Variants in PPP2R3A observed in about 807,000 individuals in gnomAD.
The protein encoded by PPP2R3A is serine/threonine-protein phosphatase 2A regulatory subunit B'' subunit alpha.
PPP2R3A carries 80 observed loss-of-function variants against 106.9 expected under a neutral mutation model. The ratio of observed to expected loss-of-function variants is 0.75; its 90% CI spans 0.62 to 0.90. The LOEUF (loss-of-function observed/expected upper bound fraction) is 0.90, where lower values mean the gene tolerates loss of function less well. PPP2R3A is among the 40% of genes least tolerant of loss of function. The pLI is 0.00. For synonymous variants in PPP2R3A, 483 were observed against 468.3 expected (o/e 1.03, Z -0.41); for missense variants, 1,386 against 1,350.4 (o/e 1.03, Z -0.41).
chr3:136,058,615 A>T (rs1935962626), intron 5 of PPP2R3A, among the ~76,000 whole-genome samples: 1 of 152,070 alleles, frequency 6.6e-6, no homozygotes, highest in Non-Finnish European at 1.5e-5. Context: ...TTCAGTGTTA[A>T]ACTACCATTG....
intron 5 of PPP2R3A, among the ~76,000 whole-genome samples, chr3:136,054,754 C>T (rs1413359089): frequency 2.6e-5 from 4 of 152,164 alleles, no homozygotes; most frequent in Non-Finnish European, 5.9e-5. Flanking sequence ...AAAACAAGAA[C>T]CTGCTAACAG....
chr3:136,071,864 C>T (rs1273832613), intron 6 of PPP2R3A, among the ~76,000 whole-genome samples: 1 of 152,168 alleles, frequency 6.6e-6, no homozygotes, highest in Non-Finnish European at 1.5e-5. Context: ...ATGCTTTGTT[C>T]TTCCTCTTTC....
intron 13 of PPP2R3A, among the ~76,000 whole-genome samples, chr3:136,137,533 G>GTTTTT (rs1559941176): frequency 2.6e-5 from 1 of 38,440 alleles, no homozygotes; most frequent in African/African-American, 7.5e-5. Flanking sequence ...CTCTGTCAGA[G>GTTTTT]ATTTTTTTTT....
intron 8 of PPP2R3A, among the ~76,000 whole-genome samples, chr3:136,086,892 C>A (rs952462448): frequency 2.0e-5 from 3 of 152,088 alleles, no homozygotes; most frequent in Non-Finnish European, 4.4e-5. Flanking sequence ...GTGTGCATGC[C>A]ATTGCCTGGG....
rs189532308 is a variant in PPP2R3A, at chr3:136,116,266, C to T, written c.3329+9944C>T. Among the ~76,000 whole-genome samples, 469 of 152,286 alleles carry T rather than the reference C, an allele frequency of 3.1e-3. 6 individuals carry two copies. Among genetic ancestry groups the T allele is most frequent in the African/African-American group, 0.011 (450 of 41,558 alleles). ...AGCACTAAACATGGAGAGGAACAAC[C>T]GGTACCAGCCACTGCAAAAACATAC... On this transcript the variant is annotated intron_variant, in intron 13 of 13. Transcript: ENST00000264977.
chr3:135,989,534 A>C (rs1437937415), intron 1 of PPP2R3A, among the ~76,000 whole-genome samples: 1 of 125,546 alleles, frequency 8.0e-6, no homozygotes, highest in Non-Finnish European at 1.7e-5. Context: ...GAAATTCTTC[A>C]TCCACAAAGA....
At chr3:136,137,533 G>GTTTTTT (rs1559941176) in intron 13 of PPP2R3A, among the ~76,000 whole-genome samples, 1 of 38,442 alleles carries the variant, frequency 2.6e-5, no homozygotes, top group Non-Finnish European at 6.0e-5. Flanking sequence ...CTCTGTCAGA[G>GTTTTTT]ATTTTTTTTT....
At chr3:136,046,112 G>A (rs1025309897) in intron 4 of PPP2R3A, among the ~76,000 whole-genome samples, 4 of 151,966 alleles carry the variant, frequency 2.6e-5, no homozygotes, top group Non-Finnish European at 5.9e-5. Flanking sequence ...AGAAGGTTGA[G>A]GCTGCAGTGA....
At chr3:136,113,864 T>G in intron 13 of PPP2R3A, among the ~76,000 whole-genome samples, 1 of 151,682 alleles carries the variant, frequency 6.6e-6, no homozygotes, top group Non-Finnish European at 1.5e-5. Context: ...GAAATAACAT[T>G]CTCGACATAG....
intron 2 of PPP2R3A, among the ~76,000 whole-genome samples, chr3:136,007,409 A>ATCAGGGTGCCCTTCTCAGACT (rs1933887356): frequency 6.6e-6 from 1 of 152,184 alleles, no homozygotes; most frequent in Non-Finnish European, 1.5e-5. Flanking sequence ...AGGACCTGAC[A>ATCAGGGTGCCCTTCTCAGACT]TCAGGGTGCC....
At chr3:136,076,259 A>G (rs952582833) in intron 6 of PPP2R3A, among the ~76,000 whole-genome samples, 6 of 152,366 alleles carry the variant, frequency 3.9e-5, no homozygotes, top group African/African-American at 1.2e-4. Flanking sequence ...GGTGAAACAC[A>G]GAACAAGTCA....
intron 5 of PPP2R3A, among the ~76,000 whole-genome samples, chr3:136,060,632 C>T (rs1359629657): frequency 6.6e-6 from 1 of 152,150 alleles, no homozygotes; most frequent in Non-Finnish European, 1.5e-5. Flanking sequence ...TTCCTGAGGG[C>T]TCCCCAGGCA....
chr3:135,991,096 GT>G (rs1933140870), intron 1 of PPP2R3A, among the ~76,000 whole-genome samples: 1 of 152,042 alleles, frequency 6.6e-6, no homozygotes, highest in South Asian at 2.1e-4. Flanking sequence ...CCAGGACTGG[GT>G]TTGGCAGATC....
chr3:136,107,832 T>C (rs1937541867), intron 13 of PPP2R3A, among the ~76,000 whole-genome samples: 1 of 152,124 alleles, frequency 6.6e-6, no homozygotes, highest in Non-Finnish European at 1.5e-5. Flanking sequence ...CAAGCATGAT[T>C]TAAAGGTTTT....
At chr3:136,056,481 TAAAAA>T (rs58363811) in intron 5 of PPP2R3A, among the ~76,000 whole-genome samples, 3 of 149,370 alleles carry the variant, frequency 2.0e-5, no homozygotes, top group African/African-American at 4.9e-5. Flanking sequence ...AAAACTATTC[TAAAAA>T]AAAAAAACCA....
intron 10 of PPP2R3A, among the ~76,000 whole-genome samples, chr3:136,093,381 C>T (rs550833802): frequency 4.6e-5 from 7 of 152,226 alleles, no homozygotes; most frequent in Admixed American, 6.5e-5. Flanking sequence ...TGTACTCCAA[C>T]CTGGGTGACA....
At chr3:136,114,627 G>C (rs1937670028) in intron 13 of PPP2R3A, among the ~76,000 whole-genome samples, 1 of 152,186 alleles carries the variant, frequency 6.6e-6, no homozygotes, top group Non-Finnish European at 1.5e-5. Context: ...GCTGAGGCTT[G>C]AGTATGTGGT....
intron 10 of PPP2R3A, among the ~76,000 whole-genome samples, chr3:136,092,115 GA>G (rs1481779653): frequency 6.6e-6 from 1 of 152,150 alleles, no homozygotes; most frequent in Non-Finnish European, 1.5e-5. Flanking sequence ...GATCACCTGA[GA>G]TCAGGAGTTT....
chr3:136,016,029 C>G (rs1934255720), intron 2 of PPP2R3A, among the ~76,000 whole-genome samples: 1 of 151,980 alleles, frequency 6.6e-6, no homozygotes, highest in African/African-American at 2.4e-5. Flanking sequence ...CTATTATTGT[C>G]TGGCTCAAAG....
Sources: gnomAD v4.1 joint callset for allele counts (sites outside exome capture counted in the v4.1 genomes callset) on GRCh38, gnomAD v4.1.1 for gene constraint, MANE v1.5 for transcripts, NCBI Gene and HGNC (gene_info 2026-07-23, HGNC 2026-07-21) for gene names.